The following TP63 variants were observed in gnomAD, a reference collection of about 807,000 sequenced individuals.
The protein encoded by TP63 is tumor protein p63.
A neutral mutation model predicts 82.8 loss-of-function variants in TP63; 17 were observed. The observed-to-expected ratio is 0.21, with a 90% CI of 0.14 to 0.31. The LOEUF is 0.31. Among genes scored for constraint, TP63 ranks in the 10% least tolerant of loss-of-function variants. TP63 has a pLI of 1.00. For missense variants in TP63, 648 were observed against 895.3 expected (o/e 0.72, Z 3.52); for synonymous variants, 330 against 321.7 (o/e 1.03, Z -0.28).
chr3:189,612,259 CAT>C, the TP63 span, among the ~76,000 whole-genome samples: 1 of 135,390 alleles, frequency 7.4e-6, no homozygotes, highest in South Asian at 2.4e-4. Flanking sequence ...AGAATTCCCA[CAT>C]GTTGTGGGAA....
chr3:189,789,626 T>G, intron 3 of TP63: 1 of 1,352,998 alleles, frequency 7.4e-7, no homozygotes, highest in Non-Finnish European at 9.5e-7. Context: ...ATGCCTATAG[T>G]TGGGTATATA....
At chr3:189,873,093 G>A (rs1718636672) in intron 10 of TP63, 98 bp downstream of exon 10, 1 of 1,575,902 alleles carries the variant, frequency 6.3e-7, no homozygotes, top group East Asian at 2.2e-5. Flanking sequence ...AACATAATGG[G>A]AGATAGCAGA....
At chr3:189,714,012 T>A (rs986563127) in intron 1 of TP63, among the ~76,000 whole-genome samples, 1 of 152,206 alleles carries the variant, frequency 6.6e-6, no homozygotes, top group South Asian at 2.1e-4. Flanking sequence ...TGTTGATCCT[T>A]AACACATCTG....
chr3:189,658,053 T>C (rs1482234048), intron 1 of TP63, among the ~76,000 whole-genome samples: 1 of 152,014 alleles, frequency 6.6e-6, no homozygotes, highest in East Asian at 1.9e-4. Context: ...AAGATAAAAC[T>C]GATGCATCCT....
intron 6 of TP63, among the ~76,000 whole-genome samples, chr3:189,867,428 A>C (rs978109310): frequency 6.6e-6 from 1 of 152,214 alleles, no homozygotes; most frequent in African/African-American, 2.4e-5. Flanking sequence ...TATATATTCA[A>C]ATCTATATTG....
chr3:189,875,609 T>TATACAC (rs1553859654), intron 10 of TP63, among the ~76,000 whole-genome samples: 1 of 62,986 alleles, frequency 1.6e-5, no homozygotes, highest in Non-Finnish European at 3.6e-5. Context: ...TATATATATA[T>TATACAC]ATATATATAT....
At chr3:189,875,441 C>CT (rs1718934988) in intron 10 of TP63, among the ~76,000 whole-genome samples, 1 of 150,872 alleles carries the variant, frequency 6.6e-6, no homozygotes, top group Non-Finnish European at 1.5e-5. Flanking sequence ...TGGCACGCAC[C>CT]TGTAGTCCCA....
chr3:189,736,619 T>C (rs978165869), intron 1 of TP63, among the ~76,000 whole-genome samples: 18 of 152,164 alleles, frequency 1.2e-4, no homozygotes, highest in Admixed American at 8.5e-4. Context: ...ATTATACACT[T>C]TTTATTTCCA....
rs1560289101 is a variant in TP63, at chr3:189,875,605, T to TATATATATATATATAC, written c.1349+2625_1349+2626insCATATATATATATATA. On this transcript the variant is annotated intron_variant, in intron 10 of 13. Coordinates refer to ENST00000264731, the MANE Select transcript of TP63 (RefSeq NM_003722.5). ...AAAAAAATACATACATATATATATA[T>TATATATATATATATAC]ATATATATATATATATATATATATA... 2.4e-4 allele frequency among the ~76,000 whole-genome samples: 14 copies of TATATATATATATATAC among 58,692 alleles called. 1 individual carries two copies. Among genetic ancestry groups the TATATATATATATATAC allele is most frequent in the African/African-American group, 8.6e-4 (14 of 16,236 alleles). The allele number at this position is 58,692 out of a possible 152,430, so 38.5% of individuals were successfully genotyped here. A position where few individuals can be genotyped will look rare whatever the true frequency, so the allele number is the denominator to read the frequency against.
chr3:189,645,387 T>G (rs1712323668), intron 1 of TP63: 3 of 512,456 alleles, frequency 5.9e-6, no homozygotes, highest in Non-Finnish European at 1.1e-5. Context: ...TGCAGTTTGG[T>G]CTGTCATTGT....
At chr3:189,803,075 G>A (rs1199128357) in intron 3 of TP63, among the ~76,000 whole-genome samples, 2 of 152,126 alleles carry the variant, frequency 1.3e-5, no homozygotes, top group African/African-American at 4.8e-5. Context: ...GAGGCAGGTG[G>A]ATCACCTGAG....
chr3:189,746,951 C>G (rs1265070634), intron 3 of TP63, among the ~76,000 whole-genome samples: 5 of 149,720 alleles, frequency 3.3e-5, no homozygotes, highest in African/African-American at 2.5e-5. Context: ...ACTAGCAGGA[C>G]TAGCTATACT....
Position 189,894,223 on chromosome 3 carries a change from A to G in TP63, c.1764A>G (p.Lys588=). The G allele has an allele frequency of 2.5e-6, 4 of 1,614,066 alleles. No homozygotes were observed. The highest frequency in any genetic ancestry group is 3.4e-6 in the Non-Finnish European group (4 of 1,180,012). ...TTGCACAGGATCTGGCAAGTCTGAAAATCCCTGAGCAATTTCGACATGCGA... is the reference window on the plus strand; with the variant it reads ...TTGCACAGGATCTGGCAAGTCTGAAGATCCCTGAGCAATTTCGACATGCGA... ...HYSMDDLASL[K]IPEQFRHAIW... is the part of the protein sequence containing the mutation. Residue 588 remains lysine, a synonymous_variant, in exon 14 of 14, where the codon AAA becomes AAG. Coordinates refer to ENST00000264731, the MANE Select transcript of TP63 (RefSeq NM_003722.5).
chr3:189,835,266 ACTC>A (rs147808663), intron 4 of TP63, among the ~76,000 whole-genome samples: 5,083 of 152,240 alleles, frequency 0.033, 274 homozygotes, highest in African/African-American at 0.12. Flanking sequence ...TAAAAATTAA[ACTC>A]CTAATGATAA....
chr3:189,647,316 A>ATACT lies in TP63; in HGVS notation c.62+15739_62+15740insTACT, dbSNP rs1366168268. Among the ~76,000 whole-genome samples, 2 of 147,070 alleles carry ATACT rather than the reference A, an allele frequency of 1.4e-5. 1 individual carries two copies. Among genetic ancestry groups the ATACT allele is most frequent in the Non-Finnish European group, 3.0e-5 (2 of 67,278 alleles). The stretch of plus-strand genomic sequence containing the variant: ...TTAATTAGTCATACCCTAAACCAGT[A>ATACT]GGTCTTCCCTGGGGCACTAAAAATG... On this transcript the variant is annotated intron_variant, in intron 1 of 13. Coordinates refer to ENST00000264731, the MANE Select transcript of TP63 (RefSeq NM_003722.5).
chr3:189,713,355 G>A (rs563363163), intron 1 of TP63, among the ~76,000 whole-genome samples: 2 of 152,310 alleles, frequency 1.3e-5, no homozygotes, highest in Non-Finnish European at 2.9e-5. Context: ...ATGAGCATCT[G>A]GTTTTGAGCT....
At chr3:189,629,927 T>C (rs547618881), upstream of TP63, among the ~76,000 whole-genome samples, 64 of 152,310 alleles carry the variant, frequency 4.2e-4, no homozygotes, top group African/African-American at 1.5e-3. Flanking sequence ...AGTTAAGCAA[T>C]CTTCCCTTTA....
At chr3:189,834,264 T>C (rs1712795722) in intron 4 of TP63, among the ~76,000 whole-genome samples, 1 of 152,192 alleles carries the variant, frequency 6.6e-6, no homozygotes, top group African/African-American at 2.4e-5. Context: ...GGAAAAAAAG[T>C]GTTTGAAGTA....
the TP63 span, among the ~76,000 whole-genome samples, chr3:189,613,943 C>A: frequency 6.6e-6 from 1 of 152,290 alleles, no homozygotes; most frequent in Non-Finnish European, 1.5e-5. Context: ...AAGTAACTAG[C>A]TTGTTTTTGA....
Sources: allele counts gnomAD v4.1 joint callset (sites outside exome capture counted in the v4.1 genomes callset), GRCh38; gene constraint gnomAD v4.1.1; transcripts MANE v1.5; gene names NCBI Gene and HGNC (gene_info 2026-07-23, HGNC 2026-07-21).